LARGE1: variants seen among roughly 807,000 people sequenced by gnomAD.
The protein encoded by LARGE1 is xylosyl- and glucuronyltransferase LARGE1.
Under a neutral mutation model 87.6 loss-of-function variants are expected in LARGE1, and 43 were observed. That is an observed-to-expected ratio of 0.49 (90% CI 0.38 to 0.63). The LOEUF is 0.63. Among genes scored for constraint, LARGE1 ranks in the 30% least tolerant of loss-of-function variants. The pLI is 0.00. For missense variants in LARGE1, 802 were observed against 1,000.2 expected (o/e 0.80, Z 2.67); for synonymous variants, 434 against 394.6 (o/e 1.10, Z -1.18).
the LARGE1 span, among the ~76,000 whole-genome samples, chr22:33,106,897 A>G: frequency 4.1e-3 from 618 of 152,342 alleles, 7 homozygotes; most frequent in South Asian, 8.1e-3. Flanking sequence ...GGTCAGTAAG[A>G]AATGATTAGA....
At chr22:33,665,677 A>G (rs240356) in intron 2 of LARGE1, among the ~76,000 whole-genome samples, 110,716 of 152,038 alleles carry the variant, frequency 0.73, 41,236 homozygotes, top group African/African-American at 0.89. Flanking sequence ...CGGATCATGA[A>G]GTCAGGAGAT....
intron 2 of LARGE1, among the ~76,000 whole-genome samples, chr22:33,712,906 T>C (rs1310897926): frequency 2.0e-5 from 3 of 152,124 alleles, no homozygotes; most frequent in Non-Finnish European, 4.4e-5. Context: ...AGAAGGTATA[T>C]GGTAAGTATT....
rs568910303 is a variant in LARGE1, at chr22:33,241,546, AT to A, written c.1730+62682del. Among the ~76,000 whole-genome samples, 1,356 of 152,018 alleles carry A rather than the reference AT, an allele frequency of 8.9e-3. 24 individuals carry two copies. The highest frequency in any genetic ancestry group is 0.031 in the African/African-American group (1,288 of 41,446). ...TATATATATGTACATATATGTGTAT[AT>A]ATGTATATGTATATATGTGTATATA... On this transcript the variant is annotated intron_variant, in intron 11 of 11. Transcript: ENST00000608642.
At chr22:33,503,139 T>C (rs187832465) in intron 6 of LARGE1, among the ~76,000 whole-genome samples, 3 of 152,090 alleles carry the variant, frequency 2.0e-5, no homozygotes, top group African/African-American at 4.8e-5. Flanking sequence ...GTGGGAAAGG[T>C]TATCCGCAAC....
chr22:33,852,450 G>A (rs542233225), intron 1 of LARGE1, among the ~76,000 whole-genome samples: 5 of 152,040 alleles, frequency 3.3e-5, no homozygotes, highest in Admixed American at 2.6e-4. Context: ...TAAAGATTTC[G>A]CCCCTTAATT....
chr22:33,264,233 T>C lies in LARGE1; in HGVS notation c.1730+39996A>G, dbSNP rs145684307. Among the ~76,000 whole-genome samples the C allele has an allele frequency of 5.0e-3, 762 of 152,342 alleles. 10 individuals are homozygous for C. Among genetic ancestry groups the C allele is most frequent in the African/African-American group, 0.018 (732 of 41,578 alleles). ...ACAAGGCTAGAGGGATAGGTCTAGA[T>C]TCACAAACTAAATTTAACCGTGAAG... On this transcript the variant is annotated intron_variant, in intron 11 of 11. Coordinates refer to the LARGE1 transcript ENST00000608642.
At chr22:33,368,892 C>T (rs1054786900) in intron 9 of LARGE1, among the ~76,000 whole-genome samples, 12 of 152,136 alleles carry the variant, frequency 7.9e-5, no homozygotes, top group African/African-American at 2.4e-4. Context: ...TGTTAATGAT[C>T]ACCTGGCCTT....
At chr22:33,348,903 C>T (rs1260701586) in intron 9 of LARGE1, among the ~76,000 whole-genome samples, 6 of 152,018 alleles carry the variant, frequency 3.9e-5, no homozygotes, top group Non-Finnish European at 8.8e-5. Context: ...TTTTCCTGTG[C>T]TGTTCTCTTG....
At chr22:33,859,581 G>GCA (rs1226155554) in intron 1 of LARGE1, among the ~76,000 whole-genome samples, 1 of 152,172 alleles carries the variant, frequency 6.6e-6, no homozygotes, top group Non-Finnish European at 1.5e-5. Flanking sequence ...TAAAGCTGGA[G>GCA]GATCCTTGGA....
chr22:33,371,845 A>G (rs752997151), intron 9 of LARGE1, among the ~76,000 whole-genome samples: 34 of 152,150 alleles, frequency 2.2e-4, no homozygotes, highest in Middle Eastern at 3.4e-3. Flanking sequence ...TTAGCCGGGC[A>G]TGGTGGCGGG....
intron 11 of LARGE1, among the ~76,000 whole-genome samples, chr22:33,235,509 A>G (rs1926208771): frequency 6.6e-6 from 1 of 152,200 alleles, no homozygotes; most frequent in African/African-American, 2.4e-5. Flanking sequence ...GTAGTTGCAA[A>G]TGTTGGCTGA....
chr22:33,427,729 T>G (rs2066928248), intron 7 of LARGE1, among the ~76,000 whole-genome samples: 1 of 152,224 alleles, frequency 6.6e-6, no homozygotes, highest in Non-Finnish European at 1.5e-5. Context: ...CTAAAGTACT[T>G]TGGTTTACCC....
the LARGE1 span, among the ~76,000 whole-genome samples, chr22:33,143,961 A>G: frequency 1.3e-5 from 2 of 152,090 alleles, no homozygotes; most frequent in East Asian, 1.9e-4. Flanking sequence ...TCTTCTTGGT[A>G]TCTGTTTCTG....
chr22:33,186,905 T>C (rs1353987605), intron 11 of LARGE1, among the ~76,000 whole-genome samples: 4 of 152,170 alleles, frequency 2.6e-5, no homozygotes, highest in African/African-American at 4.8e-5. Context: ...TATAAATTTA[T>C]GTATCTATAT....
intron 2 of LARGE1, among the ~76,000 whole-genome samples, chr22:33,699,175 T>C (rs1002147412): frequency 6.6e-6 from 1 of 152,224 alleles, no homozygotes; most frequent in Non-Finnish European, 1.5e-5. Context: ...AGCTTTATTG[T>C]TTCTAAGAAA....
At chr22:33,568,287 G>A (rs955098444) in intron 5 of LARGE1, among the ~76,000 whole-genome samples, 3 of 152,196 alleles carry the variant, frequency 2.0e-5, no homozygotes, top group African/African-American at 7.2e-5. Flanking sequence ...TCTCCCGGGA[G>A]GGCAGCCCTC....
At chr22:33,918,391 C>T (rs893001820) in intron 1 of LARGE1, among the ~76,000 whole-genome samples, 2 of 152,216 alleles carry the variant, frequency 1.3e-5, no homozygotes, top group African/African-American at 4.8e-5. Flanking sequence ...TGAAAACCCA[C>T]TAACCTCTAA....
At chr22:33,503,692 A>G (rs964332550) in intron 6 of LARGE1, among the ~76,000 whole-genome samples, 1 of 151,136 alleles carries the variant, frequency 6.6e-6, no homozygotes, top group Non-Finnish European at 1.5e-5. Context: ...CCAGCTACTC[A>G]GGAGGCTGAG....
intron 2 of LARGE1, among the ~76,000 whole-genome samples, chr22:33,728,551 CAAAA>C (rs57790780): frequency 8.0e-5 from 3 of 37,462 alleles, no homozygotes; most frequent in Non-Finnish European, 6.8e-5. Flanking sequence ...CCCCTACCAC[CAAAA>C]AAAAAAAAAA....
Sources: gnomAD v4.1 joint callset for allele counts (sites outside exome capture counted in the v4.1 genomes callset) on GRCh38, gnomAD v4.1.1 for gene constraint, MANE v1.5 for transcripts, NCBI Gene and HGNC (gene_info 2026-07-23, HGNC 2026-07-21) for gene names.